NBEA: variants seen among roughly 807,000 people sequenced by gnomAD.
The protein encoded by NBEA is neurobeachin, also known as lysosomal-trafficking regulator 2.
NBEA carries 44 observed loss-of-function variants against 343.4 expected under a neutral mutation model. The observed-to-expected ratio is 0.13, with a 90% CI of 0.10 to 0.16. The LOEUF (loss-of-function observed/expected upper bound fraction) is 0.16, where lower values mean the gene tolerates loss of function less well. Ranked by LOEUF, NBEA falls within the 10% of genes least tolerant of loss-of-function variation. The pLI is 1.00. For missense variants in NBEA, 2,555 were observed against 3,631.3 expected (o/e 0.70, Z 7.62); for synonymous variants, 1,175 against 1,238.7 (o/e 0.95, Z 1.08).
In NBEA at chr13:35,184,037, T is replaced by G; in HGVS notation, c.4893T>G (p.Ile1631Met). Residue 1631 changes from isoleucine to methionine, a missense_variant, in exon 30 of 59, where the codon ATT (isoleucine) becomes ATG (methionine). Physicochemically the swap from Ile to Met is conservative, Grantham distance 10. Transcript: ENST00000379939. Reference protein sequence around the residue: ...SLNHGFLAKLIPEQSFGHSFY... With the variant: ...SLNHGFLAKLMPEQSFGHSFY... ...ACCATGGATTCCTTGCCAAGTTAAT[T>G]CCTGAGCAGAGCTTTGGCCACTCAT... 6.2e-7 allele frequency: 1 copy of G among 1,611,848 alleles called. No individual in the cohort carries two copies.
At chr13:35,669,781 T>C (rs1281387510) in intron 58 of NBEA, among the ~76,000 whole-genome samples, 3 of 152,180 alleles carry the variant, frequency 2.0e-5, no homozygotes, top group African/African-American at 7.2e-5. Flanking sequence ...AACAAGAAAC[T>C]GACCCCAGAG....
chr13:35,232,664 G>C, intron 34 of NBEA, 45 bp downstream of exon 34: 2 of 1,313,884 alleles, frequency 1.5e-6, no homozygotes, highest in South Asian at 3.5e-5. Flanking sequence ...TATAATGTAT[G>C]TATTAATCAT....
chr13:35,015,082 C>T (rs945477463), intron 1 of NBEA, among the ~76,000 whole-genome samples: 1 of 134,220 alleles, frequency 7.5e-6, no homozygotes, highest in Non-Finnish European at 1.6e-5. Flanking sequence ...CAGCATCGTG[C>T]TCTTGCCTTG....
intron 30 of NBEA, among the ~76,000 whole-genome samples, chr13:35,189,031 C>T (rs750843454): frequency 6.6e-5 from 10 of 151,056 alleles, no homozygotes; most frequent in Non-Finnish European, 8.9e-5. Flanking sequence ...GTGATTGTAC[C>T]GCTCAGCTTC....
intron 38 of NBEA, among the ~76,000 whole-genome samples, chr13:35,370,460 A>G (rs2041365050): frequency 6.6e-6 from 1 of 152,020 alleles, no homozygotes; most frequent in African/African-American, 2.4e-5. Context: ...TAAGCAGCAT[A>G]TAGTTGAGTC....
chr13:35,382,858 T>G (rs1477958944), intron 38 of NBEA, among the ~76,000 whole-genome samples: 1 of 152,218 alleles, frequency 6.6e-6, no homozygotes, highest in Non-Finnish European at 1.5e-5. Flanking sequence ...GTTTAGACTT[T>G]TATGGGCTGT....
chr13:34,995,176 G>A (rs901584873), intron 1 of NBEA, among the ~76,000 whole-genome samples: 6 of 152,170 alleles, frequency 3.9e-5, no homozygotes, highest in African/African-American at 1.4e-4. Flanking sequence ...AAACTGGCTG[G>A]GTGTGGTGGC....
intron 46 of NBEA, among the ~76,000 whole-genome samples, chr13:35,584,283 A>G (rs972895339): frequency 6.6e-6 from 1 of 151,078 alleles, no homozygotes; most frequent in African/African-American, 2.4e-5. Flanking sequence ...CCAGTTGTCC[A>G]GTTATAAAGG....
At chr13:35,018,454 A>G (rs2061726925) in intron 1 of NBEA, among the ~76,000 whole-genome samples, 1 of 152,150 alleles carries the variant, frequency 6.6e-6, no homozygotes, top group Admixed American at 6.6e-5. Flanking sequence ...TACACTTTAC[A>G]AATATTTAGA....
At position 35,544,287 on chromosome 13, in the gene NBEA, G is replaced by T. The variant is rs112485045; in HGVS notation, c.6586-6190G>T. ...TGGAAACAAAATTTAGATTTTTTTCGTATTCAAAGAAAAAAAATTTGTAAT... is the reference window on the plus strand; with the variant it reads ...TGGAAACAAAATTTAGATTTTTTTCTTATTCAAAGAAAAAAAATTTGTAAT... On this transcript the variant is annotated intron_variant, in intron 41 of 58. Coordinates refer to ENST00000379939, the MANE Select transcript of NBEA (RefSeq NM_001385012.1). 5.4e-3 allele frequency among the ~76,000 whole-genome samples: 818 copies of T among 151,966 alleles called. 12 individuals carry two copies. Among genetic ancestry groups the T allele is most frequent in the Non-Finnish European group, 5.9e-3 (403 of 67,944 alleles).
At chr13:35,590,533 G>A (rs2081485175) in intron 46 of NBEA, among the ~76,000 whole-genome samples, 2 of 152,058 alleles carry the variant, frequency 1.3e-5, no homozygotes, top group South Asian at 2.1e-4. Flanking sequence ...AAGCCCATCT[G>A]TGCTATTCTT....
chr13:35,055,886 G>A (rs1382922605), intron 6 of NBEA, 124 bp from the exon 7 acceptor site: 2 of 639,604 alleles, frequency 3.1e-6, no homozygotes, highest in Non-Finnish European at 4.6e-6. Context: ...TGATCAAGTG[G>A]TATTAGATGA....
intron 1 of NBEA, among the ~76,000 whole-genome samples, chr13:34,993,269 C>G (rs2060826180): frequency 6.6e-6 from 1 of 152,116 alleles, no homozygotes; most frequent in Admixed American, 6.5e-5. Flanking sequence ...ATTTCATGGC[C>G]TCTCCTGATA....
At chr13:35,103,479 T>C (rs926194782) in intron 11 of NBEA, among the ~76,000 whole-genome samples, 24 of 151,696 alleles carry the variant, frequency 1.6e-4, no homozygotes, top group Non-Finnish European at 4.4e-5. Context: ...TTCTGATGAC[T>C]GTTCTGTCCC....
At chr13:35,279,704 C>G (rs773595164) in intron 34 of NBEA, among the ~76,000 whole-genome samples, 5 of 152,086 alleles carry the variant, frequency 3.3e-5, no homozygotes, top group Non-Finnish European at 2.9e-5. Context: ...AGGTCAGGCC[C>G]AGGGCATGTC....
chr13:35,415,605 G>A (rs1401374121), intron 38 of NBEA, among the ~76,000 whole-genome samples: 1 of 151,996 alleles, frequency 6.6e-6, no homozygotes, highest in Non-Finnish European at 1.5e-5. Context: ...CTCTGTTTTG[G>A]TACCAGTACC....
chr13:35,352,175 G>T lies in NBEA; in HGVS notation c.6031G>T (p.Ala2011Ser). 1 of 1,499,198 alleles carries T rather than the reference G, an allele frequency of 6.7e-7. No homozygotes were observed. Among genetic ancestry groups the T allele is most frequent in the Non-Finnish European group, 9.0e-7 (1 of 1,116,270 alleles). 92.9% of individuals were successfully genotyped at this position (1,499,198 alleles called of 1,614,324 possible). A position where few individuals can be genotyped will look rare whatever the true frequency, so the allele number is the denominator to read the frequency against. The change falls in exon 38 of 59, where the codon GCT becomes TCT. Residue 2011 changes from alanine (A) to serine (S), a missense_variant. Around this residue, in one of 21 missense-constraint regions of NBEA, gnomAD observed 246 missense variants for 313.7 expected, o/e 0.78. Transcript: ENST00000379939. ...AEFESQCAQY[A>S]ADRREEEKMC... is the part of the protein sequence containing the mutation. ...TTTATAGTCACAGTGTGCCCAATAT[G>T]CTGCTGATAGAAGAGAGGAAGAAAA...
intron 41 of NBEA, among the ~76,000 whole-genome samples, chr13:35,477,734 T>C (rs2075940831): frequency 6.6e-6 from 1 of 152,186 alleles, no homozygotes; most frequent in Non-Finnish European, 1.5e-5. Flanking sequence ...TACTATTTCG[T>C]GTGATTTAAT....
intron 1 of NBEA, among the ~76,000 whole-genome samples, chr13:34,975,129 T>C (rs1220989779): frequency 6.6e-6 from 1 of 152,166 alleles, no homozygotes; most frequent in South Asian, 2.1e-4. Flanking sequence ...TTTTACTGGT[T>C]TTCTTCCTAA....
Sources: allele counts gnomAD v4.1 joint callset (sites outside exome capture counted in the v4.1 genomes callset), GRCh38; gene constraint gnomAD v4.1.1; regional missense constraint gnomAD v4.1.1; transcripts MANE v1.5; gene names NCBI Gene and HGNC (gene_info 2026-07-23, HGNC 2026-07-21).